WWOX: variants seen among roughly 807,000 people sequenced by gnomAD.
WWOX encodes the protein WW domain-containing oxidoreductase.
WWOX carries 69 observed loss-of-function variants against 46.2 expected under a neutral mutation model. The ratio of observed to expected loss-of-function variants is 1.49; its 90% CI spans 1.23 to 1.82. The LOEUF is 1.82. WWOX is among the 40% of genes most tolerant of loss of function. The pLI is 0.00. For synonymous variants in WWOX, 359 were observed against 202.6 expected (o/e 1.77, Z -6.56); for missense variants, 919 against 542.6 (o/e 1.69, Z -6.89).
intron 8 of WWOX, among the ~76,000 whole-genome samples, chr16:78,920,566 G>T (rs1245068259): frequency 6.6e-6 from 1 of 152,084 alleles, no homozygotes; most frequent in East Asian, 1.9e-4. Flanking sequence ...CCCTGCCCTT[G>T]TTAAATGTCA....
intron 8 of WWOX, among the ~76,000 whole-genome samples, chr16:78,840,609 C>G (rs563822269): frequency 6.6e-6 from 1 of 151,964 alleles, no homozygotes; most frequent in Admixed American, 6.6e-5. Context: ...CTAGTAGTTG[C>G]TCCAAATGTG....
At chr16:78,838,509 C>A (rs751186902) in intron 8 of WWOX, among the ~76,000 whole-genome samples, 1 of 152,094 alleles carries the variant, frequency 6.6e-6, no homozygotes, top group African/African-American at 2.4e-5. Context: ...GGTAGGATTC[C>A]ATTTACATAA....
rs1174623592 is a variant in WWOX, at chr16:78,501,542, C to CT, written c.1056+68802dup. Among the ~76,000 whole-genome samples the CT allele has an allele frequency of 9.1e-3, 1,322 of 145,412 alleles. 9 individuals carry two copies. The highest frequency in any genetic ancestry group is 0.021 in the African/African-American group (837 of 39,878). On this transcript the variant is annotated intron_variant, in intron 8 of 8. Transcript: ENST00000566780. ...ACCACCTGAGAAGTTCTTTTTCTTT[C>CT]TTTTTTTTTTTTGAGATGGAGTCTT...
At chr16:79,118,859 A>G (rs75411460) in intron 8 of WWOX, among the ~76,000 whole-genome samples, 6 of 152,182 alleles carry the variant, frequency 3.9e-5, no homozygotes, top group South Asian at 4.1e-4. Flanking sequence ...CTTAACTGCA[A>G]TTCTTAGTGG....
Position 78,316,359 on chromosome 16 carries a change from A to T in WWOX, c.517-70501A>T, listed in dbSNP as rs73576412. Among the ~76,000 whole-genome samples, 718 of 152,244 alleles carry T rather than the reference A, an allele frequency of 4.7e-3. 5 individuals carry two copies. Among genetic ancestry groups the T allele is most frequent in the African/African-American group, 0.017 (690 of 41,540 alleles). On this transcript the variant is annotated intron_variant, in intron 5 of 8. Coordinates refer to ENST00000566780, the MANE Select transcript of WWOX (RefSeq NM_016373.4). The stretch of plus-strand genomic sequence containing the variant: ...CTGAAGTGGAATGGCCAGGGAATTT[A>T]AAAAGGGTTTTGCTCTTGTCACCTG...
At chr16:78,813,579 G>A (rs999933147) in intron 8 of WWOX, among the ~76,000 whole-genome samples, 6 of 151,998 alleles carry the variant, frequency 3.9e-5, no homozygotes, top group South Asian at 4.1e-4. Context: ...ATGTGTGTGC[G>A]TGTGTGTGTG....
intron 8 of WWOX, among the ~76,000 whole-genome samples, chr16:79,128,836 C>T (rs951627794): frequency 2.0e-5 from 3 of 152,162 alleles, no homozygotes; most frequent in Non-Finnish European, 4.4e-5. Context: ...GACTAGAACA[C>T]TCTGCAGAGT....
chr16:78,273,505 C>T (rs2079520909), intron 5 of WWOX, among the ~76,000 whole-genome samples: 3 of 152,116 alleles, frequency 2.0e-5, no homozygotes, highest in Non-Finnish European at 4.4e-5. Flanking sequence ...CATGGGGATC[C>T]ATAGGAGGAA....
At chr16:78,744,527 G>T (rs1325756467) in intron 8 of WWOX, among the ~76,000 whole-genome samples, 4 of 148,712 alleles carry the variant, frequency 2.7e-5, no homozygotes, top group African/African-American at 1.0e-4. Flanking sequence ...TGCCTCCTGG[G>T]TTCAAGCAAT....
intron 1 of WWOX, among the ~76,000 whole-genome samples, chr16:78,104,335 G>C (rs949328984): frequency 1.1e-5 from 1 of 87,820 alleles, no homozygotes; most frequent in Non-Finnish European, 3.1e-5. Context: ...AAAAACACAC[G>C]CACGCACGCA....
intron 8 of WWOX, among the ~76,000 whole-genome samples, chr16:78,762,427 C>T (rs561800082): frequency 4.5e-4 from 68 of 152,290 alleles, no homozygotes; most frequent in East Asian, 1.4e-3. Context: ...AACTGCTCAC[C>T]GCCCCCACTT....
At chr16:78,336,994 T>A (rs774330758) in intron 5 of WWOX, among the ~76,000 whole-genome samples, 1 of 152,120 alleles carries the variant, frequency 6.6e-6, no homozygotes, top group Admixed American at 6.5e-5. Context: ...TTGGCCAGGC[T>A]GGTCTCAAAC....
At chr16:78,882,267 T>C (rs78147560) in intron 8 of WWOX, among the ~76,000 whole-genome samples, 2,595 of 152,324 alleles carry the variant, frequency 0.017, 76 homozygotes, top group African/African-American at 0.059. Context: ...TTGACAATTA[T>C]ACCTAGGGAG....
chr16:78,606,902 A>G (rs1171972060), intron 8 of WWOX, among the ~76,000 whole-genome samples: 3 of 151,940 alleles, frequency 2.0e-5, no homozygotes, highest in African/African-American at 4.8e-5. Flanking sequence ...AGAAAAGACA[A>G]TTGTCTTTTA....
intron 8 of WWOX, among the ~76,000 whole-genome samples, chr16:78,789,921 C>G (rs2050551725): frequency 6.6e-6 from 1 of 152,142 alleles, no homozygotes; most frequent in Admixed American, 6.5e-5. Flanking sequence ...TCCAATTCTG[C>G]CACTTATTGT....
intron 8 of WWOX, among the ~76,000 whole-genome samples, chr16:78,722,540 A>G (rs991729387): frequency 6.6e-6 from 1 of 152,264 alleles, no homozygotes; most frequent in African/African-American, 2.4e-5. Flanking sequence ...GAGTTCAGTA[A>G]GAGTACAAAG....
intron 8 of WWOX, among the ~76,000 whole-genome samples, chr16:78,862,586 G>C (rs2043914457): frequency 6.6e-6 from 1 of 151,996 alleles, no homozygotes; most frequent in South Asian, 2.1e-4. Flanking sequence ...TCGAAACCCA[G>C]GACAACCAAT....
intron 8 of WWOX, among the ~76,000 whole-genome samples, chr16:78,739,647 C>T (rs2049169164): frequency 6.6e-6 from 1 of 152,202 alleles, no homozygotes; most frequent in East Asian, 1.9e-4. Flanking sequence ...CTCGTCTCTA[C>T]TGAAAACACA....
At chr16:78,292,433 T>C (rs2079875196) in intron 5 of WWOX, among the ~76,000 whole-genome samples, 1 of 152,210 alleles carries the variant, frequency 6.6e-6, no homozygotes, top group Non-Finnish European at 1.5e-5. Context: ...TATGGTCTTT[T>C]AATTAACCCA....
Sources: allele counts gnomAD v4.1 joint callset (sites outside exome capture counted in the v4.1 genomes callset), GRCh38; gene constraint gnomAD v4.1.1; transcripts MANE v1.5; gene names NCBI Gene and HGNC (gene_info 2026-07-23, HGNC 2026-07-21).